The following CD247 variants were observed in gnomAD, a reference collection of about 807,000 sequenced individuals.
The protein encoded by CD247 is T-cell surface glycoprotein CD3 zeta chain.
A neutral mutation model predicts 30.0 loss-of-function variants in CD247; 13 were observed. The observed-to-expected ratio is 0.43, with a 90% confidence interval of 0.28 to 0.69. CD247 has a LOEUF of 0.69. Ranked by LOEUF, CD247 falls within the 30% of genes least tolerant of loss-of-function variation. CD247 has a pLI of 0.16. For synonymous variants in CD247, 72 were observed against 80.0 expected, an observed-to-expected ratio of 0.90 and a Z score of 0.53; for missense variants, 193 against 212.6, an observed-to-expected ratio of 0.91 and a Z score of 0.57.
chr1:167,501,339 G>C (rs891195492), intron 1 of CD247, among the ~76,000 whole-genome samples: 1 of 152,068 alleles, frequency 6.6e-6, no homozygotes, highest in African/African-American at 2.4e-5. Context: ...GATTACAGGC[G>C]TAAGCCACTG....
intron 1 of CD247, among the ~76,000 whole-genome samples, chr1:167,504,358 G>A (rs1471488158): frequency 6.6e-6 from 1 of 152,240 alleles, no homozygotes. Flanking sequence ...AGCAGCAACT[G>A]TAATGCAGCC....
chr1:167,500,758 A>T (rs1654864701), intron 1 of CD247, among the ~76,000 whole-genome samples: 1 of 152,238 alleles, frequency 6.6e-6, no homozygotes, highest in African/African-American at 2.4e-5. Context: ...CAGGCAGCTC[A>T]ATCACATTTG....
intron 1 of CD247, among the ~76,000 whole-genome samples, chr1:167,462,829 A>G (rs140223698): frequency 1.5e-3 from 235 of 152,222 alleles, no homozygotes; most frequent in African/African-American, 5.1e-3. Flanking sequence ...CTGTCTTCAG[A>G]CTGATACACT....
chr1:167,471,392 A>T (rs1376576062), intron 1 of CD247, among the ~76,000 whole-genome samples: 1 of 152,194 alleles, frequency 6.6e-6, no homozygotes, highest in Non-Finnish European at 1.5e-5. Flanking sequence ...GAGAGACTCT[A>T]ATTCATTGTG....
Position 167,434,065 on chromosome 1 carries a change from T to C in CD247, c.348A>G (p.Lys116=). Residue 116 remains lysine, a synonymous_variant, in exon 6 of 8, where the codon AAA becomes AAG. Transcript: ENST00000362089. The part of the protein sequence containing the change: ...PQEGLYNELQ[K]DKMAEAYSEI... ...CACTGTAGGCCTCCGCCATCTTATC[T>C]TTCTGCAGTTCCTGCAGAAGAGGGC... 6.2e-7 allele frequency: 1 copy of C among 1,614,134 alleles called. No homozygotes were observed. The highest frequency in any genetic ancestry group is 1.3e-5 in the African/African-American group (1 of 75,068).
intron 4 of CD247, among the ~76,000 whole-genome samples, chr1:167,438,302 G>A (rs1164031597): frequency 6.6e-6 from 1 of 152,242 alleles, no homozygotes; most frequent in African/African-American, 2.4e-5. Context: ...GGATGGCCAA[G>A]GAGCAGTTTG....
At chr1:167,448,081 C>G (rs1308937497) in intron 1 of CD247, among the ~76,000 whole-genome samples, 1 of 152,080 alleles carries the variant, frequency 6.6e-6, no homozygotes, top group Admixed American at 6.6e-5. Flanking sequence ...TCCCTTTCAT[C>G]GAATAACTAA....
intron 1 of CD247, among the ~76,000 whole-genome samples, chr1:167,487,357 T>C (rs371538236): frequency 1.1e-3 from 165 of 152,182 alleles, no homozygotes; most frequent in African/African-American, 2.0e-3. Flanking sequence ...GCCTGAGAGA[T>C]AGAGTGAGAT....
intron 1 of CD247, among the ~76,000 whole-genome samples, chr1:167,515,274 C>T (rs1190729616): frequency 2.0e-5 from 3 of 152,230 alleles, no homozygotes; most frequent in Non-Finnish European, 4.4e-5. Flanking sequence ...CATTTAGATA[C>T]TCAGTCGCTG....
intron 1 of CD247, among the ~76,000 whole-genome samples, chr1:167,472,302 T>C (rs1653565629): frequency 6.6e-6 from 1 of 152,240 alleles, no homozygotes; most frequent in Non-Finnish European, 1.5e-5. Flanking sequence ...TTCCTCATTT[T>C]GAGATCAAAG....
At chr1:167,498,096 G>C (rs1489803627) in intron 1 of CD247, among the ~76,000 whole-genome samples, 1 of 152,160 alleles carries the variant, frequency 6.6e-6, no homozygotes, top group Non-Finnish European at 1.5e-5. Flanking sequence ...TCTTCTGCCA[G>C]TCCTGTTCTG....
At chr1:167,472,928 A>G (rs1000377062) in intron 1 of CD247, among the ~76,000 whole-genome samples, 1 of 152,180 alleles carries the variant, frequency 6.6e-6, no homozygotes, top group African/African-American at 2.4e-5. Context: ...ATGAAAGATC[A>G]GTGAACATTT....
rs1651237392 is a variant in CD247 at position 167,430,989 on chromosome 1, G to A, written c.*692C>T. The A allele has an allele frequency of 1.5e-5, 6 of 402,390 alleles. No individual in the cohort carries two copies. Among genetic ancestry groups the A allele is most frequent in the Non-Finnish European group, 2.6e-5 (6 of 228,274 alleles). 24.9% of individuals were successfully genotyped at this position (402,390 alleles called of 1,614,324 possible). A position where few individuals can be genotyped will look rare whatever the true frequency, so the allele number is the denominator to read the frequency against. On this transcript the variant is annotated 3_prime_UTR_variant, in exon 8 of 8. Coordinates refer to ENST00000362089, the MANE Select transcript of CD247 (RefSeq NM_198053.3). ...TGCCACTTTGTGCACAGCTCATCAA[G>A]GTCAGTCTGTTCATCTTCTGGCCCC...
intron 1 of CD247, among the ~76,000 whole-genome samples, chr1:167,470,999 G>A (rs1653498980): frequency 1.3e-5 from 2 of 151,496 alleles, no homozygotes; most frequent in South Asian, 4.2e-4. Context: ...AGCTTCCCGA[G>A]TAGCTGGGAC....
At chr1:167,495,133 A>C (rs1654629917) in intron 1 of CD247, among the ~76,000 whole-genome samples, 1 of 152,236 alleles carries the variant, frequency 6.6e-6, no homozygotes, top group African/African-American at 2.4e-5. Context: ...CAGCAACAGC[A>C]TTGTGGTTAG....
chr1:167,453,024 A>T (rs1652434928), intron 1 of CD247, among the ~76,000 whole-genome samples: 1 of 90,228 alleles, frequency 1.1e-5, no homozygotes, highest in African/African-American at 4.6e-5. Context: ...TATATATATT[A>T]TAGATATATA....
At chr1:167,491,095 G>A (rs1223883215) in intron 1 of CD247, among the ~76,000 whole-genome samples, 2 of 151,952 alleles carry the variant, frequency 1.3e-5, no homozygotes, top group African/African-American at 2.4e-5. Context: ...GTTTTGGCAC[G>A]TCTTGCCTCT....
intron 2 of CD247, chr1:167,440,378 CA>C: frequency 2.1e-6 from 1 of 485,158 alleles, no homozygotes; most frequent in South Asian, 2.1e-5. Context: ...CCTTTGTCAC[CA>C]GTAGCATCGC....
At chr1:167,490,133 A>G (rs562621242) in intron 1 of CD247, among the ~76,000 whole-genome samples, 27 of 152,060 alleles carry the variant, frequency 1.8e-4, no homozygotes, top group African/African-American at 5.8e-4. Context: ...AAGCAAATCC[A>G]TATATCCGGG....
Sources: gnomAD v4.1 joint callset for allele counts (sites outside exome capture counted in the v4.1 genomes callset) on GRCh38, gnomAD v4.1.1 for gene constraint, MANE v1.5 for transcripts, NCBI Gene and HGNC (gene_info 2026-07-23, HGNC 2026-07-21) for gene names.